MCM9: variants seen among roughly 807,000 people sequenced by gnomAD.
MCM9 encodes the protein minichromosome maintenance 9 homologous recombination repair factor.
Under a neutral mutation model 72.8 loss-of-function variants are expected in MCM9, and 55 were observed. That is an observed-to-expected ratio of 0.76 (90% CI 0.61 to 0.95). The LOEUF (loss-of-function observed/expected upper bound fraction) is 0.95. Ranked by LOEUF, MCM9 falls within the 40% of genes least tolerant of loss-of-function variation. MCM9 has a pLI of 0.00. For missense variants in MCM9, 1,279 were observed against 1,377.0 expected, an observed-to-expected ratio of 0.93 and a Z score of 1.13; for synonymous variants, 480 against 503.4, an observed-to-expected ratio of 0.95 and a Z score of 0.62.
intron 9 of MCM9, among the ~76,000 whole-genome samples, chr6:118,848,153 A>G (rs1401777805): frequency 6.6e-6 from 1 of 151,884 alleles, no homozygotes; most frequent in African/African-American, 2.4e-5. Flanking sequence ...AGCAAAAGAA[A>G]GCATAAAAGT....
intron 3 of MCM9, among the ~76,000 whole-genome samples, chr6:118,926,195 G>T (rs1781880956): frequency 6.6e-6 from 1 of 152,020 alleles, no homozygotes; most frequent in Non-Finnish European, 1.5e-5. Flanking sequence ...CTTACAATGG[G>T]GCTACATCTC....
intron 8 of MCM9, among the ~76,000 whole-genome samples, chr6:118,864,163 G>A (rs951710431): frequency 5.3e-5 from 8 of 151,964 alleles, no homozygotes; most frequent in African/African-American, 1.9e-4. Context: ...CCCATCATCT[G>A]AGCACTACAC....
rs559654527 is a variant in MCM9 at position 118,839,735 on chromosome 6, G to C, written c.1326-10485C>G. Among the ~76,000 whole-genome samples the C allele has an allele frequency of 1.6e-4, 24 of 152,298 alleles. No individual in the cohort carries two copies. In the South Asian group the frequency reaches 4.8e-3, roughly 30 times the overall value. ...GGTCCACTCCAGACCCTGTTTGCCT[G>C]GGTATCACCAGCAGAGACTGCAGAA... On this transcript the variant is annotated intron_variant, in intron 9 of 13. Transcript: ENST00000619706.
At chr6:118,883,293 AC>A (rs1028703299) in intron 8 of MCM9, among the ~76,000 whole-genome samples, 69 of 152,188 alleles carry the variant, frequency 4.5e-4, no homozygotes, top group African/African-American at 1.6e-3. Context: ...AATCCAAAGA[AC>A]AGAGGTAAAG....
intron 3 of MCM9, among the ~76,000 whole-genome samples, chr6:118,924,589 G>A (rs1212842009): frequency 3.9e-5 from 6 of 152,134 alleles, no homozygotes; most frequent in African/African-American, 7.2e-5. Context: ...GAGTTCCACA[G>A]CGCTAGAAAG....
intron 4 of MCM9, among the ~76,000 whole-genome samples, chr6:118,923,048 A>AC (rs1781566016): frequency 6.6e-6 from 1 of 151,476 alleles, no homozygotes; most frequent in Admixed American, 6.6e-5. Context: ...AAAAAAAAAA[A>AC]AAAAGCAAAG....
intron 9 of MCM9, 45 bp downstream of exon 9, chr6:118,856,326 A>G (rs185712058): frequency 3.1e-5 from 47 of 1,498,478 alleles, no homozygotes; most frequent in Non-Finnish European, 3.8e-5. Context: ...CTAAGCATAT[A>G]TTAAATAATC....
At chr6:118,894,279 A>T in intron 8 of MCM9, 1 of 1,464,462 alleles carries the variant, frequency 6.8e-7, no homozygotes, top group Non-Finnish European at 9.0e-7. Flanking sequence ...AGAGGAAAAA[A>T]GTTTCTCAAG....
At chr6:118,822,096 T>A (rs1773853820) in intron 13 of MCM9, among the ~76,000 whole-genome samples, 1 of 152,184 alleles carries the variant, frequency 6.6e-6, no homozygotes, top group South Asian at 2.1e-4. Flanking sequence ...GAGGAGTTTG[T>A]TATTACCCAC....
chr6:118,853,315 C>T (rs545207978), intron 9 of MCM9, among the ~76,000 whole-genome samples: 51 of 152,320 alleles, frequency 3.3e-4, no homozygotes, highest in African/African-American at 1.2e-3. Flanking sequence ...ATAATTACAG[C>T]TTTATAGCAA....
intron 8 of MCM9, among the ~76,000 whole-genome samples, chr6:118,904,915 G>C (rs968394774): frequency 6.6e-6 from 1 of 152,196 alleles, no homozygotes; most frequent in Non-Finnish European, 1.5e-5. Context: ...TCAGCTCACT[G>C]CAACTTCCAC....
Position 118,827,972 on chromosome 6 carries a change from G to C in MCM9, c.1687C>G (p.Arg563Gly), listed in dbSNP as rs982094724. Residue 563 changes from arginine (R) to glycine (G), a missense_variant, in exon 11 of 14, where the codon CGG (arginine) becomes GGG (glycine). By Grantham distance (125) the Arg-to-Gly change is moderately radical. Coordinates refer to ENST00000619706, the MANE Select transcript of MCM9 (RefSeq NM_017696.3). Reference sequence around the variant, plus strand: ...CTTTCCAACAGCCGAATGGTGGTCCGGGCAGCGTTCCGGCAATCACTCTGC... The same window carrying C: ...CTTTCCAACAGCCGAATGGTGGTCCCGGCAGCGTTCCGGCAATCACTCTGC... ...QRQSDCRNAA[R>G]TTIRLLESLI... 1 of 1,550,998 alleles carries C rather than the reference G, an allele frequency of 6.4e-7. No homozygotes were observed. The highest frequency in any genetic ancestry group is 1.4e-5 in the African/African-American group (1 of 73,158).
chr6:118,907,704 A>G, intron 8 of MCM9: 1 of 970,746 alleles, frequency 1.0e-6, no homozygotes, highest in Non-Finnish European at 1.5e-6. Flanking sequence ...TCAAAACACA[A>G]TGTGAAGAAT....
rs1235258157 is a variant in MCM9 at position 118,831,173 on chromosome 6, T to C, written c.1326-1923A>G. Among the ~76,000 whole-genome samples, 3 of 151,804 alleles carry C rather than the reference T, an allele frequency of 2.0e-5. No homozygotes were observed. In the East Asian group the frequency reaches 5.8e-4, roughly 29 times the overall value. ...TTTGAAACCAGCCTAGTCAACATGG[T>C]GAAACCCCATCCCTACTAAAAATAC... On this transcript the variant is annotated intron_variant, in intron 9 of 13. Coordinates refer to ENST00000619706, the MANE Select transcript of MCM9 (RefSeq NM_017696.3).
chr6:118,832,796 C>T (rs1466585589), intron 9 of MCM9, among the ~76,000 whole-genome samples: 1 of 152,254 alleles, frequency 6.6e-6, no homozygotes, highest in East Asian at 1.9e-4. Context: ...CGGGATGATC[C>T]TCATCTTTAC....
At chr6:118,904,870 ACT>A (rs1375797245) in intron 8 of MCM9, among the ~76,000 whole-genome samples, 5 of 152,112 alleles carry the variant, frequency 3.3e-5, no homozygotes, top group African/African-American at 9.7e-5. Flanking sequence ...ACGGAGTCTC[ACT>A]CTGTCGCCAG....
chr6:118,842,121 C>T (rs890078382), intron 9 of MCM9, among the ~76,000 whole-genome samples: 1 of 152,198 alleles, frequency 6.6e-6, no homozygotes, highest in Non-Finnish European at 1.5e-5. Context: ...GCGTGAGACA[C>T]CGTGCCCGGC....
intron 11 of MCM9, 21 bp from the exon 12 acceptor site, chr6:118,826,885 TG>T (rs1774204307): frequency 1.3e-6 from 2 of 1,539,434 alleles, no homozygotes; most frequent in African/African-American, 1.4e-5. Context: ...AAAACACATT[TG>T]TTTTTTAGGA....
Position 118,921,970 on chromosome 6 carries a change from C to T in MCM9, c.703+35G>A, listed in dbSNP as rs371408280. 22 of 1,539,962 alleles carry T rather than the reference C, an allele frequency of 1.4e-5. 1 individual carries two copies. In the African/African-American group the frequency reaches 2.7e-4, roughly 19 times the overall value. ...TTCCTAATCAATACTTTAGGACTAC[C>T]TACACAAGCTAAAAAAAAATTCCCC... On this transcript the variant is annotated intron_variant, in intron 5 of 13. Transcript: ENST00000619706.
Sources: allele counts gnomAD v4.1 joint callset (sites outside exome capture counted in the v4.1 genomes callset), GRCh38; gene constraint gnomAD v4.1.1; transcripts MANE v1.5; gene names NCBI Gene and HGNC (gene_info 2026-07-23, HGNC 2026-07-21).